The following UNC13C variants were observed in gnomAD, a reference collection of about 807,000 sequenced individuals.
UNC13C encodes protein unc-13 homolog C.
A neutral mutation model predicts 245.4 loss-of-function variants in UNC13C; 174 were observed. That is an observed-to-expected ratio of 0.71 (90% CI 0.63 to 0.80). UNC13C has a LOEUF of 0.80. Ranked by LOEUF, UNC13C falls within the 30% of genes least tolerant of loss-of-function variation. The pLI, the probability that UNC13C is intolerant of heterozygous loss-of-function variation, is 0.00. For missense variants in UNC13C, 2,829 were observed against 2,602.9 expected (o/e 1.09, Z -1.89); for synonymous variants, 992 against 895.1 (o/e 1.11, Z -1.93).
chr15:54,119,762 A>T (rs2030536382), intron 2 of UNC13C, among the ~76,000 whole-genome samples: 1 of 152,230 alleles, frequency 6.6e-6, no homozygotes, highest in African/African-American at 2.4e-5. Flanking sequence ...TACTTCAGTG[A>T]ATACACAAAT....
intron 19 of UNC13C, among the ~76,000 whole-genome samples, chr15:54,455,290 T>C (rs1214032964): frequency 6.9e-6 from 1 of 145,878 alleles, no homozygotes; most frequent in Non-Finnish European, 1.5e-5. Context: ...TTTTGTATTT[T>C]TGCAATCGCA....
chr15:53,990,457 C>T (rs1894335230), intron 1 of UNC13C, among the ~76,000 whole-genome samples: 1 of 151,998 alleles, frequency 6.6e-6, no homozygotes, highest in Admixed American at 6.6e-5. Flanking sequence ...CTTCAATTGA[C>T]CTATTTGTAT....
intron 13 of UNC13C, chr15:54,321,049 C>G (rs1164670157): frequency 1.9e-5 from 9 of 467,412 alleles, no homozygotes; most frequent in African/African-American, 6.0e-5. Context: ...AGTTGTTATT[C>G]CCCCGAAACC....
chr15:53,978,065 C>G (rs1893769766), upstream of UNC13C, among the ~76,000 whole-genome samples: 2 of 152,158 alleles, frequency 1.3e-5, no homozygotes, highest in Admixed American at 1.3e-4. Context: ...GTGCGGTATA[C>G]TTTCATAATT....
intron 4 of UNC13C, among the ~76,000 whole-genome samples, chr15:54,186,839 ATATATG>A (rs1177666920): frequency 2.9e-5 from 4 of 136,188 alleles, no homozygotes; most frequent in Admixed American, 7.1e-5. Flanking sequence ...AGAACATAAT[ATATATG>A]TATATATATA....
At chr15:53,854,199 C>A in the UNC13C span, among the ~76,000 whole-genome samples, 1 of 144,778 alleles carries the variant, frequency 6.9e-6, no homozygotes, top group African/African-American at 2.5e-5. Flanking sequence ...TGGCTCACTG[C>A]AACTTCTGCC....
chr15:54,188,439 ATAAT>A (rs1173394002), intron 4 of UNC13C, among the ~76,000 whole-genome samples: 2 of 152,178 alleles, frequency 1.3e-5, no homozygotes, highest in Non-Finnish European at 2.9e-5. Flanking sequence ...TTTTAATTGA[ATAAT>A]TACATACAAA....
intron 13 of UNC13C, among the ~76,000 whole-genome samples, chr15:54,303,376 T>G (rs1446764554): frequency 6.6e-6 from 1 of 152,202 alleles, no homozygotes; most frequent in South Asian, 2.1e-4. Context: ...AACAACCTGC[T>G]GCTGGATAGA....
intron 19 of UNC13C, among the ~76,000 whole-genome samples, chr15:54,435,036 T>G (rs1212870090): frequency 1.3e-5 from 2 of 152,162 alleles, no homozygotes; most frequent in South Asian, 2.1e-4. Flanking sequence ...TGAGATACCA[T>G]CTCACGCCAG....
chr15:54,122,373 T>C (rs182707048), intron 2 of UNC13C, among the ~76,000 whole-genome samples: 44 of 152,210 alleles, frequency 2.9e-4, no homozygotes, highest in Non-Finnish European at 6.0e-4. Context: ...AAATGTTTAA[T>C]TTTATTAAAA....
chr15:54,501,067 A>AC, intron 22 of UNC13C, 89 bp downstream of exon 22: 1 of 1,333,098 alleles, frequency 7.5e-7, no homozygotes, highest in Non-Finnish European at 1.0e-6. Flanking sequence ...CTTCTCTGTC[A>AC]CCCCATCCCA....
chr15:54,068,176 A>T, intron 2 of UNC13C, among the ~76,000 whole-genome samples: 1 of 152,180 alleles, frequency 6.6e-6, no homozygotes, highest in Admixed American at 6.5e-5. Context: ...ACGTAACCTG[A>T]ACAATTCTAT....
the UNC13C span, among the ~76,000 whole-genome samples, chr15:53,875,755 T>C: frequency 6.6e-6 from 1 of 152,220 alleles, no homozygotes; most frequent in East Asian, 1.9e-4. Context: ...CATTACACCA[T>C]TTAGCACCAT....
chr15:54,577,209 T>C (rs1218968670), intron 30 of UNC13C, among the ~76,000 whole-genome samples: 1 of 151,766 alleles, frequency 6.6e-6, no homozygotes, highest in African/African-American at 2.4e-5. Context: ...GACTACTTTT[T>C]TTTGGCAAAC....
intron 2 of UNC13C, among the ~76,000 whole-genome samples, chr15:54,094,388 C>A (rs531708300): frequency 6.6e-6 from 1 of 152,076 alleles, no homozygotes; most frequent in African/African-American, 2.4e-5. Context: ...TCTTGGAGGA[C>A]CTGTTTTAAT....
At chr15:54,072,567 C>T (rs1040854782) in intron 2 of UNC13C, among the ~76,000 whole-genome samples, 1 of 152,096 alleles carries the variant, frequency 6.6e-6, no homozygotes, top group Non-Finnish European at 1.5e-5. Flanking sequence ...TAACACAAGA[C>T]CTTTTTATCC....
intron 8 of UNC13C, among the ~76,000 whole-genome samples, chr15:54,255,640 T>G (rs2036260478): frequency 6.6e-6 from 1 of 151,544 alleles, no homozygotes; most frequent in Admixed American, 6.6e-5. Flanking sequence ...CATTAGGGTT[T>G]TTATAGGCAC....
At chr15:53,849,371 A>G in the UNC13C span, among the ~76,000 whole-genome samples, 1 of 151,986 alleles carries the variant, frequency 6.6e-6, no homozygotes, top group East Asian at 1.9e-4. Flanking sequence ...TGTCTCTATT[A>G]GTAATTACTG....
chr15:54,458,188 A>G (rs576221974), intron 19 of UNC13C, among the ~76,000 whole-genome samples: 1 of 152,056 alleles, frequency 6.6e-6, no homozygotes, highest in Admixed American at 6.5e-5. Flanking sequence ...ATGTATTTGT[A>G]TAGTTTAATA....
Sources: allele counts gnomAD v4.1 joint callset (sites outside exome capture counted in the v4.1 genomes callset), GRCh38; gene constraint gnomAD v4.1.1; transcripts MANE v1.5; gene names NCBI Gene and HGNC (gene_info 2026-07-23, HGNC 2026-07-21).